Variants in PREPL observed in about 807,000 individuals in gnomAD.
PREPL encodes prolyl endopeptidase-like.
A neutral mutation model predicts 70.6 loss-of-function variants in PREPL; 77 were observed. That is an observed-to-expected ratio of 1.09 (90% CI 0.91 to 1.32). The LOEUF is 1.32. Ranked by LOEUF, PREPL falls within the 40% of genes most tolerant of loss-of-function variation. The pLI is 0.00. For synonymous variants in PREPL, 315 were observed against 264.8 expected (o/e 1.19, Z -1.84); for missense variants, 1,002 against 778.2 (o/e 1.29, Z -3.42).
intron 7 of PREPL, among the ~76,000 whole-genome samples, chr2:44,336,184 G>GC (rs1262761529): frequency 6.6e-6 from 1 of 152,130 alleles, no homozygotes; most frequent in African/African-American, 2.4e-5. Flanking sequence ...ATTTGACTCA[G>GC]CAATCCCATT....
At position 44,318,754 on chromosome 2, in the gene PREPL, T is replaced by C. The variant is rs1264699932; in HGVS notation, c.*2602A>G. On this transcript the variant is annotated 3_prime_UTR_variant, in exon 14 of 14. Transcript: ENST00000409411. The stretch of plus-strand genomic sequence containing the variant: ...TCTTGTAATTGAATAAAAAATAAAA[T>C]TACAAAAATCAGGCTTGGAAGTATT... 1 of 152,040 alleles carries C rather than the reference T, an allele frequency of 6.6e-6. No individual in the cohort carries two copies. The highest frequency in any genetic ancestry group is 1.5e-5 in the Non-Finnish European group (1 of 67,988). 9.4% of individuals were successfully genotyped at this position (152,040 alleles called of 1,614,324 possible). A position where few individuals can be genotyped will look rare whatever the true frequency, so the allele number is the denominator to read the frequency against.
rs750735925 is a variant in PREPL, at chr2:44,326,665, T to G, written c.1479+47A>C. 2.2e-5 allele frequency: 34 copies of G among 1,574,520 alleles called. No individual in the cohort carries two copies. In the East Asian group the frequency reaches 7.4e-4, roughly 34 times the overall value. On this transcript the variant is annotated intron_variant, in intron 10 of 13. Coordinates refer to ENST00000409411, the MANE Select transcript of PREPL (RefSeq NM_001171613.2). Reference sequence around the variant, plus strand: ...CATTTTTCTTAGAGTAGCCTATGGCTTCACACCTCCCCCATTCTATAAACA... The same window carrying G: ...CATTTTTCTTAGAGTAGCCTATGGCGTCACACCTCCCCCATTCTATAAACA...
intron 1 of PREPL, among the ~76,000 whole-genome samples, chr2:44,356,702 T>C (rs1368269763): frequency 1.3e-5 from 2 of 152,020 alleles, no homozygotes; most frequent in Non-Finnish European, 2.9e-5. Context: ...TACTGAAGAG[T>C]CCCCAAACTT....
At chr2:44,356,945 C>G (rs1003527132) in intron 1 of PREPL, among the ~76,000 whole-genome samples, 1 of 152,122 alleles carries the variant, frequency 6.6e-6, no homozygotes, top group East Asian at 1.9e-4. Flanking sequence ...GCTGGGATTA[C>G]AGGCGTGCGC....
In PREPL at chr2:44,339,298, G is replaced by A; in HGVS notation, c.551C>T (p.Thr184Ile). ...ATCTATCAACCACACTTCAGAAGTA[G>A]TCTTGTTCATAATATTTATGGTGAG... ...RFLTINIMNK[T>I]TSEVWLIDGL... Residue 184 changes from threonine to isoleucine, a missense_variant, in exon 6 of 14, where the codon ACT (threonine) becomes ATT (isoleucine). Physicochemically the swap from Thr to Ile is moderately conservative, Grantham distance 89. Coordinates refer to ENST00000409411, the MANE Select transcript of PREPL (RefSeq NM_001171613.2). The A allele has an allele frequency of 6.2e-7, 1 of 1,614,050 alleles. No individual in the cohort carries two copies. Among genetic ancestry groups the A allele is most frequent in the Non-Finnish European group, 8.5e-7 (1 of 1,180,002 alleles).
At chr2:44,346,868 C>G (rs1409396697) in intron 1 of PREPL, among the ~76,000 whole-genome samples, 1 of 152,048 alleles carries the variant, frequency 6.6e-6, no homozygotes, top group Non-Finnish European at 1.5e-5. Flanking sequence ...TAAATGTTCA[C>G]TATTATTTTA....
chr2:44,351,803 C>T (rs559281339), intron 1 of PREPL, among the ~76,000 whole-genome samples: 2 of 152,304 alleles, frequency 1.3e-5, no homozygotes, highest in South Asian at 4.1e-4. Flanking sequence ...CGCTTGCCTC[C>T]TGGTCTATTT....
Position 44,320,016 on chromosome 2 carries a change from T to C in PREPL, c.*1340A>G, listed in dbSNP as rs757907779. On this transcript the variant is annotated 3_prime_UTR_variant, in exon 14 of 14. Coordinates refer to ENST00000409411, the MANE Select transcript of PREPL (RefSeq NM_001171613.2). ...CAGACAAGCCGAAACCCCGAATTTG[T>C]CATTTCTATCAGTTTTTATATAAAT... 2 of 601,272 alleles carry C rather than the reference T, an allele frequency of 3.3e-6. No individual in the cohort carries two copies. Among genetic ancestry groups the C allele is most frequent in the Non-Finnish European group, 5.8e-6 (2 of 342,496 alleles). 37.2% of individuals were successfully genotyped at this position (601,272 alleles called of 1,614,324 possible).
At chr2:44,341,366 A>G (rs1305060438) in intron 5 of PREPL, among the ~76,000 whole-genome samples, 9 of 152,128 alleles carry the variant, frequency 5.9e-5, no homozygotes, top group Non-Finnish European at 1.0e-4. Flanking sequence ...TCTAAGCTCT[A>G]TTATTTGTCT....
chr2:44,345,642 G>A (rs1005400796), intron 2 of PREPL, among the ~76,000 whole-genome samples: 3 of 151,610 alleles, frequency 2.0e-5, no homozygotes, highest in Admixed American at 6.6e-5. Context: ...GCCACTGCAC[G>A]CACAGCCCTC....
chr2:44,352,783 AAAT>A (rs1676589587), intron 1 of PREPL, among the ~76,000 whole-genome samples: 1 of 152,244 alleles, frequency 6.6e-6, no homozygotes, highest in South Asian at 2.1e-4. Context: ...AAAGTGAAAA[AAAT>A]AATAATAGAA....
At chr2:44,323,025 C>G (rs1673136921) in intron 11 of PREPL, among the ~76,000 whole-genome samples, 171 bp from the exon 12 acceptor site, 1 of 152,102 alleles carries the variant, frequency 6.6e-6, no homozygotes, top group Admixed American at 6.6e-5. Context: ...TACTTGTTAT[C>G]TGGAATAGCC....
chr2:44,332,509 C>T lies in PREPL; in HGVS notation c.1036G>A (p.Asp346Asn). 1 of 1,614,124 alleles carries T rather than the reference C, an allele frequency of 6.2e-7. No individual in the cohort carries two copies. Among genetic ancestry groups the T allele is most frequent in the Non-Finnish European group, 8.5e-7 (1 of 1,180,004 alleles). The change falls in exon 8 of 14, where the codon GAC (aspartate) becomes AAC (asparagine). Residue 346 changes from aspartate to asparagine, a missense_variant. By Grantham distance (23) the Asp-to-Asn change is conservative. Coordinates refer to ENST00000409411, the MANE Select transcript of PREPL (RefSeq NM_001171613.2). The stretch of plus-strand genomic sequence containing the variant: ...ACGCGACTAGTCTTTGTGATTGGGT[C>T]TTCATGCCCAGTTTCCTCAAACAGT... ...GKLFEETGHE[D>N]PITKTSRVLR...
At chr2:44,358,692 A>G (rs1363764867) in intron 1 of PREPL, among the ~76,000 whole-genome samples, 1 of 152,208 alleles carries the variant, frequency 6.6e-6, no homozygotes, top group Non-Finnish European at 1.5e-5. Context: ...GTTACTCTCT[A>G]TATAAGGGCA....
chr2:44,338,357 A>G lies in PREPL; in HGVS notation c.882T>C (p.Ser294=). The stretch of plus-strand genomic sequence containing the variant: ...TTCTGAAAATTAAACATACCTTTAG[A>G]GACCGAACTGAATCATCAGCCAGAC... ...VIGLADDSVR[S]LKLPPWACGF... Residue 294 remains serine, a synonymous_variant, in exon 7 of 14, where the codon TCT becomes TCC. Coordinates refer to ENST00000409411, the MANE Select transcript of PREPL (RefSeq NM_001171613.2). 2 of 1,610,532 alleles carry G rather than the reference A, an allele frequency of 1.2e-6. No individual in the cohort carries two copies. Among genetic ancestry groups the G allele is most frequent in the Non-Finnish European group, 1.7e-6 (2 of 1,179,098 alleles).
rs751503131 is a variant in PREPL, at chr2:44,318,241, T to C, written c.*3115A>G. ...AAGTAGCTGGGATTACAGGTGCACG[T>C]CATTATGCCCGGGTAATTTCTGTAT... On this transcript the variant is annotated 3_prime_UTR_variant, in exon 14 of 14. Coordinates refer to ENST00000409411, the MANE Select transcript of PREPL (RefSeq NM_001171613.2). 1 of 332,888 alleles carries C rather than the reference T, an allele frequency of 3.0e-6. No individual in the cohort carries two copies. The highest frequency in any genetic ancestry group is 2.2e-5 in the South Asian group (1 of 46,322). The allele number at this position is 332,888 out of a possible 1,614,324, so 20.6% of individuals were successfully genotyped here.
intron 5 of PREPL, 22 bp from the exon 6 acceptor site, chr2:44,339,385 T>C: frequency 6.2e-7 from 1 of 1,605,676 alleles, no homozygotes. Flanking sequence ...GAGAGAGACA[T>C]GAGATCACAG....
chr2:44,319,200 A>T lies in PREPL; in HGVS notation c.*2156T>A, dbSNP rs1672705580. 6.6e-6 allele frequency: 1 copy of T among 152,662 alleles called. No homozygotes were observed. Among genetic ancestry groups the T allele is most frequent in the Non-Finnish European group, 1.5e-5 (1 of 68,038 alleles). 9.5% of individuals were successfully genotyped at this position (152,662 alleles called of 1,614,324 possible). On this transcript the variant is annotated 3_prime_UTR_variant, in exon 14 of 14. Transcript: ENST00000409411. ...ACATATTGGGAACCTACCCCTAAAG[A>T]ACAATAACAACCACAATAACAACTA... is the stretch of plus-strand genomic sequence containing the variant.
intron 1 of PREPL, among the ~76,000 whole-genome samples, chr2:44,353,948 C>G (rs750085903): frequency 6.6e-6 from 1 of 152,106 alleles, no homozygotes; most frequent in Non-Finnish European, 1.5e-5. Context: ...ATTACTTGAG[C>G]TTAGGAGTTT....
Sources: gnomAD v4.1 joint callset for allele counts (sites outside exome capture counted in the v4.1 genomes callset) on GRCh38, gnomAD v4.1.1 for gene constraint, MANE v1.5 for transcripts, NCBI Gene and HGNC (gene_info 2026-07-23, HGNC 2026-07-21) for gene names.